Variants in ZNF18 observed in about 807,000 individuals in gnomAD.
The protein encoded by ZNF18 is zinc finger protein 18.
A neutral mutation model predicts 58.1 loss-of-function variants in ZNF18; 42 were observed. The ratio of observed to expected loss-of-function variants is 0.72; its 90% CI spans 0.56 to 0.93. ZNF18 has a LOEUF of 0.93. ZNF18 is among the 40% of genes least tolerant of loss of function. The pLI is 0.00. For synonymous variants in ZNF18, 231 were observed against 239.8 expected (o/e 0.96, Z 0.34); for missense variants, 540 against 644.2 (o/e 0.84, Z 1.75).
intron 6 of ZNF18, among the ~76,000 whole-genome samples, chr17:11,981,958 G>A (rs575846075): frequency 6.6e-6 from 1 of 152,058 alleles, no homozygotes; most frequent in Non-Finnish European, 1.5e-5. Context: ...CTTAGGGAGG[G>A]ATTAGGTCTA....
At position 11,978,062 on chromosome 17, in the gene ZNF18, A is replaced by G. The variant is rs79432664; in HGVS notation, c.1545T>C (p.Thr515=). 2.0e-3 allele frequency: 3,270 copies of G among 1,614,114 alleles called. 54 individuals carry two copies. In the African/African-American group the frequency reaches 0.038, roughly 19 times the overall value. Residue 515 remains threonine, a synonymous_variant, in exon 7 of 7, where the codon ACT becomes ACC. Transcript: ENST00000580306. ...SNFNRHQRVH[T]GEKPYKCSHC... is the part of the protein sequence containing the mutation. ...GCGAACATTTATAAGGTTTCTCTCC[A>G]GTGTGAACCCTCTGATGTCTATTAA...
the ZNF18 span, among the ~76,000 whole-genome samples, chr17:12,017,092 G>A: frequency 1.3e-5 from 2 of 151,836 alleles, no homozygotes; most frequent in South Asian, 4.2e-4. Context: ...CATCTGCTTG[G>A]GAGGCTAAGC....
the ZNF18 span, among the ~76,000 whole-genome samples, chr17:12,018,435 T>C: frequency 6.6e-6 from 1 of 152,206 alleles, no homozygotes. Flanking sequence ...TAGATGATCA[T>C]CTTCTCCTAG....
chr17:12,002,847 G>A, the ZNF18 span, among the ~76,000 whole-genome samples: 1 of 152,200 alleles, frequency 6.6e-6, no homozygotes, highest in African/African-American at 2.4e-5. Context: ...TTGACTCAAG[G>A]TGAAAGGAAC....
chr17:11,992,952 G>T (rs1442157655), intron 1 of ZNF18, 41 bp from the exon 2 acceptor site: 15 of 1,182,672 alleles, frequency 1.3e-5, no homozygotes, highest in Non-Finnish European at 1.7e-5. Flanking sequence ...AGAGGAAGGG[G>T]ACACATTTTC....
the ZNF18 span, among the ~76,000 whole-genome samples, chr17:12,017,600 G>C: frequency 2.0e-5 from 3 of 152,128 alleles, no homozygotes; most frequent in African/African-American, 7.2e-5. Flanking sequence ...TCTTGAGGCT[G>C]GGTGCAGTGG....
chr17:12,020,761 AGGCGTGTCCGGG>A, the ZNF18 span: 5 of 408,862 alleles, frequency 1.2e-5, 1 homozygote, highest in Non-Finnish European at 2.0e-5. Context: ...GCGTGTCAGG[AGGCGTGTCCGGG>A]GCGTGTCGGA....
chr17:11,980,011 A>G (rs2079626), intron 6 of ZNF18, among the ~76,000 whole-genome samples: 2,309 of 152,272 alleles, frequency 0.015, 28 homozygotes, highest in East Asian at 0.042. Flanking sequence ...AGTTTTCTTC[A>G]TAAGTTTTTG....
chr17:11,979,294 T>C (rs939580803), intron 6 of ZNF18, among the ~76,000 whole-genome samples: 3 of 152,264 alleles, frequency 2.0e-5, no homozygotes, highest in Admixed American at 2.0e-4. Context: ...ATTTGTGTCA[T>C]ATTGTACATA....
At position 11,992,626 on chromosome 17, in the gene ZNF18, C is replaced by T. The variant is rs1968200436; in HGVS notation, c.204G>A (p.Gln68=). 6.2e-7 allele frequency: 1 copy of T among 1,614,148 alleles called. No homozygotes were observed. Among genetic ancestry groups the T allele is most frequent in the African/African-American group, 1.3e-5 (1 of 74,948 alleles). Residue 68 remains glutamine (Q), a synonymous_variant, in exon 2 of 7, where the codon CAG becomes CAA. Coordinates refer to ENST00000580306, the MANE Select transcript of ZNF18 (RefSeq NM_001303281.2). ...TGGTGTGAACCTCTGGCTGTAGCCACTGGAAACAGAGCTTCCGAAGTTGCT... is the reference window on the plus strand; with the variant it reads ...TGGTGTGAACCTCTGGCTGTAGCCATTGGAAACAGAGCTTCCGAAGTTGCT... ...TLKQLRKLCF[Q]WLQPEVHTKE... is the part of the protein sequence containing the mutation.
In ZNF18 at chr17:11,978,324, C is replaced by A. The variant is rs773738207; in HGVS notation, c.1283G>T (p.Arg428Ile). The change falls in exon 7 of 7, where the codon AGA (arginine) becomes ATA (isoleucine). Residue 428 changes from arginine to isoleucine, a missense_variant. Coordinates refer to ENST00000580306, the MANE Select transcript of ZNF18 (RefSeq NM_001303281.2). ...YRNSQLIFHQRTHTGETYFQC... is the reference protein window; with the variant it reads ...YRNSQLIFHQITHTGETYFQC... Reference sequence around the variant, plus strand: ...AAAGTATGTCTCTCCGGTGTGAGTTCTTTGGTGAAAAATAAGCTGAGAATT... The same window carrying A: ...AAAGTATGTCTCTCCGGTGTGAGTTATTTGGTGAAAAATAAGCTGAGAATT... 1 of 1,591,268 alleles carries A rather than the reference C, an allele frequency of 6.3e-7. No homozygotes were observed. The highest frequency in any genetic ancestry group is 1.1e-5 in the South Asian group (1 of 87,590).
chr17:11,998,844 T>TG (rs1179646751), upstream of ZNF18, among the ~76,000 whole-genome samples: 649 of 130,872 alleles, frequency 5.0e-3, 13 homozygotes, highest in South Asian at 0.011. Flanking sequence ...TTTTTTTTTT[T>TG]TTTGTATTTT....
Position 11,978,038 on chromosome 17 carries a change from C to A in ZNF18, c.1569G>T (p.Ser523=), listed in dbSNP as rs372916550. The A allele has an allele frequency of 1.2e-6, 2 of 1,612,350 alleles. No individual in the cohort carries two copies. The highest frequency in any genetic ancestry group is 2.2e-5 in the South Asian group (2 of 90,928). The change falls in exon 7 of 7, where the codon TCG becomes TCT. Residue 523 remains serine (S), a synonymous_variant. Coordinates refer to ENST00000580306, the MANE Select transcript of ZNF18 (RefSeq NM_001303281.2). ...TCCAGCTGAAACTTTTCCCACAGTGCGAACATTTATAAGGTTTCTCTCCAG... is the reference window on the plus strand; with the variant it reads ...TCCAGCTGAAACTTTTCCCACAGTGAGAACATTTATAAGGTTTCTCTCCAG... The part of the protein sequence containing the change: ...VHTGEKPYKC[S]HCGKSFSWSS...
At chr17:11,978,840 CTTTTTTTTTTTTTTTTT>C (rs56969015) in intron 6 of ZNF18, 96 bp from the exon 7 acceptor site, 1 of 117,480 alleles carries the variant, frequency 8.5e-6, no homozygotes, top group Admixed American at 1.2e-4. Flanking sequence ...CATTCATTTT[CTTTTTTTTTTTTTTTTT>C]TTTTTTTTTA....
chr17:11,992,577 T>G lies in ZNF18; in HGVS notation c.253A>C (p.Met85Leu). 6.2e-7 allele frequency: 1 copy of G among 1,614,236 alleles called. No homozygotes were observed. The highest frequency in any genetic ancestry group is 8.5e-7 in the Non-Finnish European group (1 of 1,180,032). Reference sequence around the variant, plus strand: ...AGGATGGTCAGAAACTGCTCCAACATGAGGATCTCTAGGATCTGCTCTTTG... The same window carrying G: ...AGGATGGTCAGAAACTGCTCCAACAGGAGGATCTCTAGGATCTGCTCTTTG... ...HTKEQILEIL[M>L]LEQFLTILPG... The change falls in exon 2 of 7, where the codon ATG becomes CTG. Residue 85 changes from methionine to leucine, a missense_variant. Met to Leu is a conservative substitution (Grantham distance 15). Coordinates refer to ENST00000580306, the MANE Select transcript of ZNF18 (RefSeq NM_001303281.2).
chr17:11,985,458 A>G (rs1046061090), intron 4 of ZNF18, among the ~76,000 whole-genome samples: 10 of 152,206 alleles, frequency 6.6e-5, no homozygotes, highest in Non-Finnish European at 1.2e-4. Flanking sequence ...TGAACTCAAA[A>G]AAGTGTTGTG....
chr17:12,015,896 C>T, the ZNF18 span, among the ~76,000 whole-genome samples: 1 of 152,042 alleles, frequency 6.6e-6, no homozygotes, highest in East Asian at 1.9e-4. Flanking sequence ...TCAAGCAATT[C>T]TCTTGGTACT....
At chr17:11,991,250 C>G (rs1278715094) in intron 2 of ZNF18, 87 bp from the exon 3 acceptor site, 1 of 1,164,080 alleles carries the variant, frequency 8.6e-7, no homozygotes, top group Non-Finnish European at 1.2e-6. Flanking sequence ...TACAACAGAT[C>G]ATAAGACAAT....
At position 11,977,655 on chromosome 17, in the gene ZNF18, A is replaced by G. The variant is rs1967078129; in HGVS notation, c.*302T>C. 3.6e-6 allele frequency: 1 copy of G among 280,992 alleles called. No homozygotes were observed. The highest frequency in any genetic ancestry group is 6.6e-6 in the Non-Finnish European group (1 of 150,406). The allele number at this position is 280,992 out of a possible 1,614,324, so 17.4% of individuals were successfully genotyped here. On this transcript the variant is annotated 3_prime_UTR_variant, in exon 7 of 7. Coordinates refer to ENST00000580306, the MANE Select transcript of ZNF18 (RefSeq NM_001303281.2). ...GCTAATCCCATTAAATGCTTCCCAG[A>G]AAGCACTTCTAAAACTGGATCTCCA...
Sources: gnomAD v4.1 joint callset for allele counts (sites outside exome capture counted in the v4.1 genomes callset) on GRCh38, gnomAD v4.1.1 for gene constraint, MANE v1.5 for transcripts, NCBI Gene and HGNC (gene_info 2026-07-23, HGNC 2026-07-21) for gene names.